GBF1: variants seen among roughly 807,000 people sequenced by gnomAD.
The protein encoded by GBF1 is golgi brefeldin A resistant guanine nucleotide exchange factor 1.
GBF1 carries 114 observed loss-of-function variants against 210.5 expected under a neutral mutation model. That is an observed-to-expected ratio of 0.54 (90% CI 0.47 to 0.63). GBF1 has a LOEUF of 0.63. Among genes scored for constraint, GBF1 ranks in the 30% least tolerant of loss-of-function variants. The probability of loss-of-function intolerance (pLI) is 0.00; values close to 1 mark genes in which losing one functional copy is unlikely to be tolerated. For synonymous variants in GBF1, 850 were observed against 889.2 expected, an observed-to-expected ratio of 0.96 and a Z score of 0.78; for missense variants, 1,851 against 2,357.7, an observed-to-expected ratio of 0.79 and a Z score of 4.45.
intron 3 of GBF1, among the ~76,000 whole-genome samples, chr10:102,334,619 C>G (rs1036771187): frequency 2.0e-5 from 3 of 152,078 alleles, no homozygotes; most frequent in African/African-American, 7.2e-5. Context: ...GAGGCCGAGG[C>G]GGGCACATCA....
chr10:102,291,009 T>C (rs557203729), intron 3 of GBF1, among the ~76,000 whole-genome samples: 2 of 152,364 alleles, frequency 1.3e-5, no homozygotes, highest in South Asian at 4.1e-4. Context: ...GTTTTTCCTA[T>C]TGAATTATCT....
At chr10:102,232,481 G>A in the GBF1 span, among the ~76,000 whole-genome samples, 1 of 152,102 alleles carries the variant, frequency 6.6e-6, no homozygotes, top group Non-Finnish European at 1.5e-5. Context: ...TCAGGAGTTC[G>A]AGACCAGCCT....
intron 4 of GBF1, among the ~76,000 whole-genome samples, chr10:102,347,883 C>T (rs2134685917): frequency 6.6e-6 from 1 of 152,234 alleles, no homozygotes; most frequent in African/African-American, 2.4e-5. Flanking sequence ...TGCTAGCAAG[C>T]CTTGCCTATG....
chr10:102,296,473 G>A (rs981518362), intron 3 of GBF1, among the ~76,000 whole-genome samples: 11 of 151,934 alleles, frequency 7.2e-5, no homozygotes, highest in Non-Finnish European at 1.6e-4. Flanking sequence ...GGCCAGACGC[G>A]GTGGCTCACG....
chr10:102,344,606 G>A (rs996807534), intron 4 of GBF1, among the ~76,000 whole-genome samples: 1 of 151,834 alleles, frequency 6.6e-6, no homozygotes, highest in African/African-American at 2.4e-5. Context: ...TCAGCCTCCC[G>A]AGGAGCTGGG....
intron 3 of GBF1, among the ~76,000 whole-genome samples, chr10:102,267,616 T>C (rs1039134467): frequency 6.6e-6 from 1 of 152,200 alleles, no homozygotes; most frequent in Admixed American, 6.5e-5. Context: ...GTCTATAGTT[T>C]AGGGAGTAAA....
the GBF1 span, chr10:102,231,250 C>T: frequency 1.2e-6 from 1 of 826,666 alleles, no homozygotes; most frequent in Non-Finnish European, 1.8e-6. Context: ...AAGGAGCGCA[C>T]GGAGTCCGGG....
the GBF1 span, among the ~76,000 whole-genome samples, chr10:102,239,987 A>G: frequency 6.6e-6 from 1 of 152,250 alleles, no homozygotes; most frequent in African/African-American, 2.4e-5. Context: ...ACCTCCGCTC[A>G]GCCACCAGGG....
chr10:102,237,739 A>G, the GBF1 span, among the ~76,000 whole-genome samples: 1 of 152,290 alleles, frequency 6.6e-6, no homozygotes. Context: ...TACTTTAGTC[A>G]TGGATTATAA....
At chr10:102,342,270 C>G (rs1422415778) in intron 3 of GBF1, among the ~76,000 whole-genome samples, 1 of 152,042 alleles carries the variant, frequency 6.6e-6, no homozygotes, top group Admixed American at 6.6e-5. Flanking sequence ...ATCTCCTGAC[C>G]TCGTGATGCG....
At chr10:102,300,607 T>C (rs2077256452) in intron 3 of GBF1, among the ~76,000 whole-genome samples, 1 of 152,186 alleles carries the variant, frequency 6.6e-6, no homozygotes, top group African/African-American at 2.4e-5. Context: ...GTCTGTATAT[T>C]CATTTTTACC....
chr10:102,268,237 A>G (rs2074061627), intron 3 of GBF1, among the ~76,000 whole-genome samples: 1 of 152,222 alleles, frequency 6.6e-6, no homozygotes, highest in Non-Finnish European at 1.5e-5. Flanking sequence ...TCATGGGTTC[A>G]GCTCTCTCTT....
intron 29 of GBF1, among the ~76,000 whole-genome samples, chr10:102,373,265 A>T (rs1197409761): frequency 6.6e-6 from 1 of 152,254 alleles, no homozygotes; most frequent in Non-Finnish European, 1.5e-5. Context: ...TGAAGATAGC[A>T]TCATTAACCA....
At chr10:102,257,996 T>A (rs1305465200) in intron 1 of GBF1, among the ~76,000 whole-genome samples, 1 of 152,150 alleles carries the variant, frequency 6.6e-6, no homozygotes, top group Admixed American at 6.6e-5. Context: ...TTGACATGCT[T>A]CCTGAGGATT....
At chr10:102,376,453 C>T (rs1258889491) in intron 31 of GBF1, 21 bp downstream of exon 31, 1 of 1,613,534 alleles carries the variant, frequency 6.2e-7, no homozygotes, top group Non-Finnish European at 8.5e-7. Flanking sequence ...ATATGGGCAG[C>T]AATTGAGTCT....
At chr10:102,252,625 C>T (rs2071708260) in intron 1 of GBF1, among the ~76,000 whole-genome samples, 1 of 151,872 alleles carries the variant, frequency 6.6e-6, no homozygotes, top group Admixed American at 6.6e-5. Context: ...AGGCAGATTG[C>T]TTTGAGCTCT....
intron 3 of GBF1, among the ~76,000 whole-genome samples, chr10:102,301,537 C>A (rs1183375775): frequency 1.3e-5 from 2 of 152,124 alleles, no homozygotes; most frequent in Non-Finnish European, 2.9e-5. Flanking sequence ...AGGGGCTCCT[C>A]ACTTCTCAGA....
At position 102,369,894 on chromosome 10, in the gene GBF1, G is replaced by A. The variant is rs773172200; in HGVS notation, c.3249G>A (p.Trp1083Ter). The A allele has an allele frequency of 6.2e-7, 1 of 1,614,080 alleles. No individual in the cohort carries two copies. Among genetic ancestry groups the A allele is most frequent in the Non-Finnish European group, 8.5e-7 (1 of 1,179,974 alleles). Residue 1083 changes from tryptophan (W) to a stop codon, truncating the protein, a stop_gained, in exon 26 of 40, where the codon TGG (tryptophan) becomes TGA (stop). Transcript: ENST00000369983. LOFTEE classifies it high-confidence loss of function. ...GESTVLSFVS[W>*]LTLSGPEQSS... ...CAACAGTGCTGAGCTTTGTGAGCTG[G>A]CTAACACTGAGTGGTCCTGAGCAGT...
chr10:102,349,948 C>A (rs2058830896), intron 4 of GBF1, among the ~76,000 whole-genome samples: 1 of 152,200 alleles, frequency 6.6e-6, no homozygotes, highest in Non-Finnish European at 1.5e-5. Flanking sequence ...CCCAGCTAGT[C>A]AGCCTCCAGT....
Sources: gnomAD v4.1 joint callset for allele counts (sites outside exome capture counted in the v4.1 genomes callset) on GRCh38, gnomAD v4.1.1 for gene constraint, MANE v1.5 for transcripts, NCBI Gene and HGNC (gene_info 2026-07-23, HGNC 2026-07-21) for gene names.